Variants in NAV2 observed in about 807,000 individuals in gnomAD.
The protein encoded by NAV2 is helicase, APC down-regulated 1.
Under a neutral mutation model 223.2 loss-of-function variants are expected in NAV2, and 54 were observed. The ratio of observed to expected loss-of-function variants is 0.24; its 90% CI spans 0.19 to 0.30. NAV2 has a LOEUF of 0.30. Ranked by LOEUF, NAV2 falls within the 10% of genes least tolerant of loss-of-function variation. The probability of loss-of-function intolerance (pLI) is 1.00; values close to 1 mark genes in which losing one functional copy is unlikely to be tolerated. For missense variants in NAV2, 2,806 were observed against 3,147.5 expected (o/e 0.89, Z 2.60); for synonymous variants, 1,279 against 1,239.3 (o/e 1.03, Z -0.67).
At chr11:19,946,319 A>G (rs1438520144) in intron 8 of NAV2, 82 bp from the exon 9 acceptor site, 2 of 1,240,358 alleles carry the variant, frequency 1.6e-6, no homozygotes, top group Non-Finnish European at 2.2e-6. Context: ...GAATATGGTT[A>G]TGGTCATAGA....
At chr11:19,561,547 T>C (rs16936980) in intron 1 of NAV2, among the ~76,000 whole-genome samples, 5,186 of 152,300 alleles carry the variant, frequency 0.034, 288 homozygotes, top group African/African-American at 0.11. Flanking sequence ...TCAGTGAACA[T>C]TGTGTAAGCA....
intron 1 of NAV2, among the ~76,000 whole-genome samples, chr11:19,779,342 G>C (rs542348309): frequency 6.6e-6 from 1 of 152,216 alleles, no homozygotes; most frequent in Non-Finnish European, 1.5e-5. Flanking sequence ...GCATGACTGG[G>C]TCTTGGCGTC....
At chr11:19,629,461 T>G (rs1372253124) in intron 1 of NAV2, among the ~76,000 whole-genome samples, 1 of 151,890 alleles carries the variant, frequency 6.6e-6, no homozygotes, top group African/African-American at 2.4e-5. Flanking sequence ...GTCAGCGACA[T>G]TTTTCTTACG....
rs950088812 is a variant in NAV2, at chr11:19,356,631, A to T, written c.75+5604A>T. ...CAAGTGAAAGGCACACTGAAGAGAG[A>T]ACTAAATAAGCAGCTCACAGGGGAA... On this transcript the variant is annotated intron_variant, in intron 1 of 37. Coordinates refer to the NAV2 transcript ENST00000360655. Among the ~76,000 whole-genome samples the T allele has an allele frequency of 4.6e-5, 7 of 152,114 alleles. No individual in the cohort carries two copies. In the East Asian group the frequency reaches 1.4e-3, roughly 29 times the overall value.
In NAV2 at chr11:19,729,156, A is replaced by G. The variant is rs535117356; in HGVS notation, c.267+15194A>G. ...TGGTCTGTAGCCTTCACTCTGACAA[A>G]GACTGGTCTAGATTAGAAGATGAAA... On this transcript the variant is annotated intron_variant, in intron 1 of 37. Transcript: ENST00000349880. Among the ~76,000 whole-genome samples, 16 of 152,296 alleles carry G rather than the reference A, an allele frequency of 1.1e-4. No individual in the cohort carries two copies. The East Asian group carries it at 2.9e-3, about 28-fold the overall frequency.
intron 1 of NAV2, among the ~76,000 whole-genome samples, chr11:19,470,805 G>A (rs2041941455): frequency 6.6e-6 from 1 of 152,120 alleles, no homozygotes; most frequent in African/African-American, 2.4e-5. Flanking sequence ...CTTGGATAAG[G>A]GGCTCCCTTG....
Position 20,023,195 on chromosome 11 carries a change from C to G in NAV2, c.2769-12764C>G, listed in dbSNP as rs897605588. On this transcript the variant is annotated intron_variant, in intron 11 of 37. Transcript: ENST00000349880. ...GGGTGTGGTGCATGTACTGCCTTGT[C>G]TTCCTTGGCCGGTATTGAAAAGCCT... 14 of 1,466,284 alleles carry G rather than the reference C, an allele frequency of 9.5e-6. No homozygotes were observed. In the African/African-American group the frequency reaches 2.0e-4, roughly 21 times the overall value. 90.8% of individuals were successfully genotyped at this position (1,466,284 alleles called of 1,614,324 possible). A position where few individuals can be genotyped will look rare whatever the true frequency, so the allele number is the denominator to read the frequency against.
At chr11:19,376,188 CT>C (rs1425411492) in intron 1 of NAV2, among the ~76,000 whole-genome samples, 1 of 152,158 alleles carries the variant, frequency 6.6e-6, no homozygotes, top group Non-Finnish European at 1.5e-5. Context: ...TAGTTACTTC[CT>C]GCTCAAAACT....
intron 1 of NAV2, among the ~76,000 whole-genome samples, chr11:19,409,679 A>G (rs1187169735): frequency 6.6e-6 from 1 of 152,194 alleles, no homozygotes; most frequent in East Asian, 1.9e-4. Context: ...ACCATGCCCC[A>G]GGATTCACCT....
Position 20,107,721 on chromosome 11 carries a change from C to T in NAV2, c.6899C>T (p.Thr2300Ile), listed in dbSNP as rs1476745352. Reference protein sequence around the residue: ...IDVDGSRVWFTDLWNYSIIPY... With the variant: ...IDVDGSRVWFIDLWNYSIIPY... The stretch of plus-strand genomic sequence containing the variant: ...GTGGACGGCTCGAGAGTGTGGTTCA[C>T]CGACTTGTGGAACTATTCCATTATC... Residue 2300 changes from threonine (T) to isoleucine (I), a missense_variant, in exon 36 of 38, where the codon ACC (threonine) becomes ATC (isoleucine). By Grantham distance (89) the Thr-to-Ile change is moderately conservative. Coordinates refer to ENST00000349880, the MANE Select transcript of NAV2 (RefSeq NM_145117.5). 1 of 1,614,158 alleles carries T rather than the reference C, an allele frequency of 6.2e-7. No individual in the cohort carries two copies. Among genetic ancestry groups the T allele is most frequent in the East Asian group, 2.2e-5 (1 of 44,858 alleles).
chr11:20,105,515 T>A lies in NAV2; in HGVS notation c.6645-16T>A. The A allele has an allele frequency of 6.2e-7, 1 of 1,602,576 alleles. No homozygotes were observed. The highest frequency in any genetic ancestry group is 2.2e-5 in the East Asian group (1 of 44,716). Reference sequence around the variant, plus strand: ...TCACCATCATCAGCTTGAAAAGTGTTTCTGACTTCCTCCAGATGGGTGCTT... The same window carrying A: ...TCACCATCATCAGCTTGAAAAGTGTATCTGACTTCCTCCAGATGGGTGCTT... On this transcript the variant is annotated splice_polypyrimidine_tract_variant and intron_variant, in intron 34 of 37. Coordinates refer to ENST00000349880, the MANE Select transcript of NAV2 (RefSeq NM_145117.5).
intron 1 of NAV2, among the ~76,000 whole-genome samples, chr11:19,614,200 G>A (rs1425109216): frequency 6.6e-6 from 1 of 152,140 alleles, no homozygotes; most frequent in African/African-American, 2.4e-5. Context: ...AGTCGATAAA[G>A]CAAATAAAAT....
chr11:19,978,026 T>C (rs1425086106), intron 10 of NAV2, among the ~76,000 whole-genome samples: 2 of 151,548 alleles, frequency 1.3e-5, no homozygotes, highest in Non-Finnish European at 2.9e-5. Context: ...GGTTTCACTA[T>C]GTTAGCCAGG....
intron 1 of NAV2, among the ~76,000 whole-genome samples, chr11:19,737,453 G>T (rs1327073500): frequency 6.6e-6 from 1 of 152,188 alleles, no homozygotes; most frequent in Non-Finnish European, 1.5e-5. Flanking sequence ...GAGAAGGGAT[G>T]GGGAAGAGGA....
upstream of NAV2, among the ~76,000 whole-genome samples, chr11:19,350,237 A>G (rs1232632993): frequency 1.3e-5 from 2 of 152,214 alleles, no homozygotes; most frequent in Non-Finnish European, 2.9e-5. Flanking sequence ...GGATGTGCTC[A>G]GAGGAGCTTG....
intron 1 of NAV2, among the ~76,000 whole-genome samples, chr11:19,407,947 C>G (rs967832820): frequency 6.6e-6 from 1 of 152,090 alleles, no homozygotes; most frequent in Non-Finnish European, 1.5e-5. Flanking sequence ...CATTTCATGA[C>G]CTCAGGAGCC....
chr11:20,112,428 G>C (rs979203102), intron 36 of NAV2, among the ~76,000 whole-genome samples: 2 of 152,144 alleles, frequency 1.3e-5, no homozygotes, highest in Admixed American at 6.5e-5. Context: ...TAAGCAGAGG[G>C]GGTGATAGCC....
chr11:19,926,297 C>T (rs774044066), intron 6 of NAV2, among the ~76,000 whole-genome samples: 5 of 152,186 alleles, frequency 3.3e-5, no homozygotes, highest in South Asian at 2.1e-4. Flanking sequence ...AAGCCCAGCT[C>T]GCTCTCCCTC....
chr11:19,425,102 T>C (rs1850774138), intron 1 of NAV2, among the ~76,000 whole-genome samples: 1 of 152,180 alleles, frequency 6.6e-6, no homozygotes. Context: ...CTACGGGCTA[T>C]TATGGAATAA....
Sources: gnomAD v4.1 joint callset for allele counts (sites outside exome capture counted in the v4.1 genomes callset) on GRCh38, gnomAD v4.1.1 for gene constraint, MANE v1.5 for transcripts, NCBI Gene and HGNC (gene_info 2026-07-23, HGNC 2026-07-21) for gene names.